Variants in UGT2B15 observed in about 807,000 individuals in gnomAD.
UGT2B15 encodes the protein UDP-glucuronosyltransferase 2B15.
UGT2B15 carries 36 observed loss-of-function variants against 45.9 expected under a neutral mutation model. The ratio of observed to expected loss-of-function variants is 0.78; its 90% confidence interval spans 0.60 to 1.04. The LOEUF (loss-of-function observed/expected upper bound fraction) is 1.04. UGT2B15 is among the 50% of genes least tolerant of loss of function. The pLI is 0.00. For synonymous variants in UGT2B15, 219 were observed against 216.4 expected (o/e 1.01, Z -0.11); for missense variants, 617 against 622.4 (o/e 0.99, Z 0.09).
intron 2 of UGT2B15, among the ~76,000 whole-genome samples, chr4:68,666,086 C>A (rs1733110731): frequency 6.6e-6 from 1 of 152,120 alleles, no homozygotes; most frequent in African/African-American, 2.4e-5. Context: ...CTTCCCCCTG[C>A]TACTGGCACT....
rs1326129726 is a variant in UGT2B15 at position 68,668,078 on chromosome 4, C to T, written c.835G>A (p.Gly279Arg). ...TTGGCTGGTTTACAGTGAAGTCCTC[C>T]AACAAAATCAACATTTGGTAAGAAT... ...RPFLPNVDFV[G>R]GLHCKPAKPL... The change falls in exon 2 of 6, where the codon GGA (glycine) becomes AGA (arginine). Residue 279 changes from glycine to arginine, a missense_variant. By Grantham distance (125) the Gly-to-Arg change is moderately radical. Coordinates refer to ENST00000338206, the MANE Select transcript of UGT2B15 (RefSeq NM_001076.4). The T allele has an allele frequency of 2.5e-6, 4 of 1,613,844 alleles. No homozygotes were observed. In the South Asian group the frequency reaches 3.3e-5, roughly 13 times the overall value.
chr4:68,655,051 T>C lies in UGT2B15; in HGVS notation c.1093+44A>G, dbSNP rs532917985. The C allele has an allele frequency of 1.9e-6, 3 of 1,587,372 alleles. No individual in the cohort carries two copies. The South Asian group carries it at 3.3e-5, about 18-fold the overall frequency. ...TATGTTGAACTATTATCACTCCAAT[T>C]TGCTGTTACTAATATATTCACTGTT... On this transcript the variant is annotated intron_variant, in intron 4 of 5. Coordinates refer to ENST00000338206, the MANE Select transcript of UGT2B15 (RefSeq NM_001076.4).
At chr4:68,650,423 G>C (rs776336171) in intron 5 of UGT2B15, among the ~76,000 whole-genome samples, 1 of 151,976 alleles carries the variant, frequency 6.6e-6, no homozygotes, top group Non-Finnish European at 1.5e-5. Context: ...TCCTGTGTTA[G>C]TTGCTGCGGA....
chr4:68,646,849 C>T lies in UGT2B15; in HGVS notation c.*255G>A. The T allele has an allele frequency of 2.0e-6, 1 of 493,336 alleles. No homozygotes were observed. The highest frequency in any genetic ancestry group is 3.7e-5 in the East Asian group (1 of 26,704). The allele number at this position is 493,336 out of a possible 1,614,324, so 30.6% of individuals were successfully genotyped here. On this transcript the variant is annotated 3_prime_UTR_variant, in exon 6 of 6. Transcript: ENST00000338206. ...TGGCGTGCTGCATCCAGTAACTCGT[C>T]ATTTAACATTAGGTATATCTCCAAA...
In UGT2B15 at chr4:68,670,567, A is replaced by C. The variant is rs776157833; in HGVS notation, c.52T>G (p.Phe18Val). The C allele has an allele frequency of 6.2e-7, 1 of 1,604,808 alleles. No individual in the cohort carries two copies. The change falls in exon 1 of 6, where the codon TTT becomes GTT. Residue 18 changes from phenylalanine to valine, a missense_variant. By Grantham distance (50) the Phe-to-Val change is conservative. Coordinates refer to ENST00000338206, the MANE Select transcript of UGT2B15 (RefSeq NM_001076.4). ...VFLLIQLSCY[F>V]SSGSCGKVLV... ...ACCTTTCCACAGCTTCCAGAGCTAAAGTAACAACTGAGCTGTATCAGCAGA... is the reference window on the plus strand; with the variant it reads ...ACCTTTCCACAGCTTCCAGAGCTAACGTAACAACTGAGCTGTATCAGCAGA...
At chr4:68,651,252 C>T (rs770816178) in intron 5 of UGT2B15, among the ~76,000 whole-genome samples, 1 of 151,980 alleles carries the variant, frequency 6.6e-6, no homozygotes, top group African/African-American at 2.4e-5. Context: ...ATGATATTGC[C>T]TAGGTTTTCT....
At chr4:68,648,756 T>C (rs1732558889) in intron 5 of UGT2B15, among the ~76,000 whole-genome samples, 1 of 152,098 alleles carries the variant, frequency 6.6e-6, no homozygotes, top group African/African-American at 2.4e-5. Context: ...AAGTAAGTAT[T>C]AACCTGATTT....
chr4:68,652,627 T>C (rs1045468589), intron 5 of UGT2B15, among the ~76,000 whole-genome samples: 1 of 151,714 alleles, frequency 6.6e-6, no homozygotes, highest in Non-Finnish European at 1.5e-5. Flanking sequence ...TTTTTCATAG[T>C]ATTTCCTTTG....
In UGT2B15 at chr4:68,647,396, T is replaced by C; in HGVS notation, c.1314-13A>G. On this transcript the variant is annotated splice_polypyrimidine_tract_variant and intron_variant, in intron 5 of 5. Coordinates refer to ENST00000338206, the MANE Select transcript of UGT2B15 (RefSeq NM_001076.4). ...ATTCTCTTTATAGCTGAAGGATAAATATAAAGATATCAACATTAAAAGTAA... is the reference window on the plus strand; with the variant it reads ...ATTCTCTTTATAGCTGAAGGATAAACATAAAGATATCAACATTAAAAGTAA... The C allele has an allele frequency of 1.2e-6, 2 of 1,603,558 alleles. No homozygotes were observed. Among genetic ancestry groups the C allele is most frequent in the Non-Finnish European group, 1.7e-6 (2 of 1,173,894 alleles).
At chr4:68,649,216 C>A (rs1732577210) in intron 5 of UGT2B15, among the ~76,000 whole-genome samples, 1 of 145,154 alleles carries the variant, frequency 6.9e-6, no homozygotes, top group Admixed American at 6.9e-5. Context: ...ATACAATTTA[C>A]TTAGTGTTTA....
At chr4:68,668,267 A>G (rs1053699922) in intron 1 of UGT2B15, 79 bp from the exon 2 acceptor site, 8 of 1,594,360 alleles carry the variant, frequency 5.0e-6, no homozygotes, top group Non-Finnish European at 6.8e-6. Flanking sequence ...TTTTCCTGAA[A>G]GGACTTGGAA....
rs867664896 is a variant in UGT2B15, at chr4:68,670,266, C to T, written c.353G>A (p.Trp118Ter). The T allele has an allele frequency of 1.2e-6, 2 of 1,613,980 alleles. No homozygotes were observed. Among genetic ancestry groups the T allele is most frequent in the Non-Finnish European group, 8.5e-7 (1 of 1,179,978 alleles). The change falls in exon 1 of 6, where the codon TGG becomes TAG. Residue 118 changes from tryptophan (W) to a stop codon, truncating the protein, a stop_gained. Transcript: ENST00000338206. LOFTEE classifies it high-confidence loss of function. ...SYFSQLQELC[W>*]EYYDYSNKLC... ...CTTGTTACTGTAGTCATAATATTCC[C>T]AACACAATTCTTGTAATTGTGAAAA...
chr4:68,649,689 CAT>C (rs747751784), intron 5 of UGT2B15, among the ~76,000 whole-genome samples: 1 of 151,884 alleles, frequency 6.6e-6, no homozygotes, highest in Non-Finnish European at 1.5e-5. Context: ...TACACACACA[CAT>C]ATATAACACA....
chr4:68,669,683 G>T (rs1324001517), intron 1 of UGT2B15, among the ~76,000 whole-genome samples: 1 of 152,048 alleles, frequency 6.6e-6, no homozygotes, highest in Non-Finnish European at 1.5e-5. Context: ...ATGACTCTCT[G>T]GGTGTCCTGT....
At position 68,650,593 on chromosome 4, in the gene UGT2B15, C is replaced by T. The variant is rs368283916; in HGVS notation, c.1314-3210G>A. On this transcript the variant is annotated intron_variant, in intron 5 of 5. Coordinates refer to ENST00000338206, the MANE Select transcript of UGT2B15 (RefSeq NM_001076.4). Reference sequence around the variant, plus strand: ...TCCATATCTTTGATATTGTAGATAGCGCTGCAATAGACATACATGTGCATG... The same window carrying T: ...TCCATATCTTTGATATTGTAGATAGTGCTGCAATAGACATACATGTGCATG... Among the ~76,000 whole-genome samples, 64 of 152,022 alleles carry T rather than the reference C, an allele frequency of 4.2e-4. 1 individual carries two copies. The highest frequency in any genetic ancestry group is 3.7e-3 in the East Asian group (19 of 5,178).
In UGT2B15 at chr4:68,654,140, T is replaced by G. The variant is rs756970260; in HGVS notation, c.1210A>C (p.Ile404Leu). Reference protein sequence around the residue: ...IPLFADQHDNIAHMKAKGAAL... With the variant: ...IPLFADQHDNLAHMKAKGAAL... ...GCTCCCTTGGCTTTCATGTGAGCAATGTTATCATGTTGATCCGCAAACAAG... is the reference window on the plus strand; with the variant it reads ...GCTCCCTTGGCTTTCATGTGAGCAAGGTTATCATGTTGATCCGCAAACAAG... The change falls in exon 5 of 6, where the codon ATT (isoleucine) becomes CTT (leucine). Residue 404 changes from isoleucine (I) to leucine (L), a missense_variant. Physicochemically the swap from Ile to Leu is conservative, Grantham distance 5. Around this residue, in one of 3 missense-constraint regions of UGT2B15, gnomAD observed 265 missense variants for 245.1 expected, o/e 1.08. Coordinates refer to ENST00000338206, the MANE Select transcript of UGT2B15 (RefSeq NM_001076.4). 1.3e-5 allele frequency: 21 copies of G among 1,613,532 alleles called. No individual in the cohort carries two copies. Among genetic ancestry groups the G allele is most frequent in the Non-Finnish European group, 1.7e-5 (20 of 1,179,710 alleles).
rs954824969 is a variant in UGT2B15, at chr4:68,659,567, C to A, written c.1005+3441G>T. Among the ~76,000 whole-genome samples, 18 of 151,942 alleles carry A rather than the reference C, an allele frequency of 1.2e-4. 1 individual carries two copies. Among genetic ancestry groups the A allele is most frequent in the Middle Eastern group, 3.4e-3 (1 of 294 alleles). ...GACTTAGTGTGTACGTTATCAGTAA[C>A]AATTATATGTGTTAAGTTATTGTGT... On this transcript the variant is annotated intron_variant, in intron 3 of 5. Transcript: ENST00000338206.
At chr4:68,655,447 A>T (rs2109824977) in intron 3 of UGT2B15, among the ~76,000 whole-genome samples, 1 of 152,264 alleles carries the variant, frequency 6.6e-6, no homozygotes, top group African/African-American at 2.4e-5. Flanking sequence ...AGATTGTGAA[A>T]GGAAAATAAA....
chr4:68,651,796 C>T (rs1179822155), intron 5 of UGT2B15, among the ~76,000 whole-genome samples: 1 of 152,082 alleles, frequency 6.6e-6, no homozygotes, highest in East Asian at 1.9e-4. Flanking sequence ...AGTTTGAAGT[C>T]AGGTAGCATG....
Sources: gnomAD v4.1 joint callset for allele counts (sites outside exome capture counted in the v4.1 genomes callset) on GRCh38, gnomAD v4.1.1 for gene constraint, gnomAD v4.1.1 regional missense constraint, MANE v1.5 for transcripts, NCBI Gene and HGNC (gene_info 2026-07-23, HGNC 2026-07-21) for gene names.